CLIC5: variants seen among roughly 807,000 people sequenced by gnomAD.
CLIC5 encodes CLIC family member 5.
In CLIC5, 20 loss-of-function variants were observed where a neutral mutation model predicts 24.7. That is an observed-to-expected ratio of 0.81 (90% CI 0.57 to 1.18). The LOEUF is 1.18. Among genes scored for constraint, CLIC5 ranks in the 50% most tolerant of loss-of-function variants. The pLI is 0.00. For missense variants in CLIC5, 341 were observed against 326.1 expected (o/e 1.05, Z -0.35); for synonymous variants, 159 against 135.6 (o/e 1.17, Z -1.20).
At chr6:46,015,339 G>T (rs115982120) in intron 1 of CLIC5, 141 bp downstream of exon 1, 13 of 771,062 alleles carry the variant, frequency 1.7e-5, no homozygotes, top group East Asian at 6.8e-5. Context: ...CGGGGCGCTG[G>T]CCTGCGGAAA....
At chr6:46,018,506 T>G (rs1004141148), upstream of CLIC5, among the ~76,000 whole-genome samples, 2 of 152,252 alleles carry the variant, frequency 1.3e-5, no homozygotes, top group African/African-American at 2.4e-5. Context: ...AAAATAATTC[T>G]TCTTTGGTCA....
chr6:45,963,729 G>T (rs1325268307), intron 1 of CLIC5, among the ~76,000 whole-genome samples: 1 of 152,038 alleles, frequency 6.6e-6, no homozygotes, highest in Admixed American at 6.6e-5. Flanking sequence ...CTTGGCTCAA[G>T]TCTCCCTTGT....
At chr6:46,055,835 G>C (rs537689148) in intron 1 of CLIC5, among the ~76,000 whole-genome samples, 2 of 152,278 alleles carry the variant, frequency 1.3e-5, no homozygotes, top group Admixed American at 1.3e-4. Flanking sequence ...TTTAAAACAT[G>C]GTGAAACTTA....
chr6:45,890,740 A>C (rs1269460947), intron 6 of CLIC5, among the ~76,000 whole-genome samples: 1 of 152,250 alleles, frequency 6.6e-6, no homozygotes, highest in Non-Finnish European at 1.5e-5. Flanking sequence ...CCTTAAAAAA[A>C]CAAAACAAAA....
rs80353300 is a variant in CLIC5, at chr6:46,003,885, G to T, written c.63+11595C>A. The stretch of plus-strand genomic sequence containing the variant: ...TGGAGAGTGGTCAGGTCTGGAGTCC[G>T]GATCTCCAGGTTTCTAAGTTTGTAT... On this transcript the variant is annotated intron_variant, in intron 1 of 5. Coordinates refer to ENST00000339561, the MANE Select transcript of CLIC5 (RefSeq NM_016929.5). Among the ~76,000 whole-genome samples the T allele has an allele frequency of 1.2e-3, 179 of 152,272 alleles. 2 individuals are homozygous for T. In the East Asian group the frequency reaches 0.026, roughly 22 times the overall value.
chr6:45,928,767 A>T (rs934548495), intron 4 of CLIC5, among the ~76,000 whole-genome samples: 5 of 144,088 alleles, frequency 3.5e-5, no homozygotes, highest in Non-Finnish European at 4.5e-5. Flanking sequence ...GAAGTGCATA[A>T]GTGTGTGTGT....
intron 1 of CLIC5, among the ~76,000 whole-genome samples, chr6:46,021,475 A>G (rs1289220086): frequency 1.3e-5 from 2 of 152,224 alleles, no homozygotes; most frequent in Non-Finnish European, 2.9e-5. Flanking sequence ...ACCTTGGTAC[A>G]TAAATTTTTT....
rs552506004 is a variant in CLIC5, at chr6:45,975,392, C to T, written c.64-20148G>A. Among the ~76,000 whole-genome samples the T allele has an allele frequency of 8.5e-5, 13 of 152,272 alleles. No individual in the cohort carries two copies. The South Asian group carries it at 2.5e-3, about 29-fold the overall frequency. On this transcript the variant is annotated intron_variant, in intron 1 of 5. Coordinates refer to ENST00000339561, the MANE Select transcript of CLIC5 (RefSeq NM_016929.5). ...TAACCAGATCCTAAAGTGATGCCCA[C>T]GTGGCTCCTGTCATTCGATATGCAA...
At chr6:46,048,601 C>T (rs1018235341) in intron 1 of CLIC5, among the ~76,000 whole-genome samples, 6 of 152,130 alleles carry the variant, frequency 3.9e-5, no homozygotes, top group African/African-American at 1.4e-4. Context: ...CCAGCAGTCA[C>T]CCCACCTCCC....
intron 4 of CLIC5, among the ~76,000 whole-genome samples, chr6:45,930,070 T>A (rs1238476281): frequency 1.3e-5 from 2 of 152,030 alleles, no homozygotes; most frequent in Non-Finnish European, 2.9e-5. Context: ...ATATACACAC[T>A]CTTTTTTAAA....
At chr6:45,924,672 A>G (rs1763406693) in intron 4 of CLIC5, among the ~76,000 whole-genome samples, 1 of 152,190 alleles carries the variant, frequency 6.6e-6, no homozygotes, top group Non-Finnish European at 1.5e-5. Flanking sequence ...AGAGAGAGAA[A>G]AAATATCACC....
upstream of CLIC5, among the ~76,000 whole-genome samples, chr6:46,016,729 G>A (rs1024651874): frequency 6.6e-6 from 1 of 152,176 alleles, no homozygotes; most frequent in Non-Finnish European, 1.5e-5. Context: ...AGCCCTAGAA[G>A]CTCCTCCTGC....
At chr6:46,043,194 C>T (rs919448011) in intron 1 of CLIC5, among the ~76,000 whole-genome samples, 3 of 152,108 alleles carry the variant, frequency 2.0e-5, no homozygotes, top group African/African-American at 7.2e-5. Flanking sequence ...TAATGATGTA[C>T]AGTTATTGAG....
chr6:46,085,623 G>A, the CLIC5 span, among the ~76,000 whole-genome samples: 9 of 152,216 alleles, frequency 5.9e-5, no homozygotes, highest in East Asian at 7.7e-4. Context: ...CTGTCTGATC[G>A]TTCCTCTGGA....
At chr6:46,020,670 T>C (rs1230988498), upstream of CLIC5, among the ~76,000 whole-genome samples, 1 of 151,992 alleles carries the variant, frequency 6.6e-6, no homozygotes, top group Non-Finnish European at 1.5e-5. Flanking sequence ...ATAAAGTTGA[T>C]AAATTTCTCA....
intron 4 of CLIC5, among the ~76,000 whole-genome samples, chr6:45,915,347 A>G (rs1295422543): frequency 6.6e-6 from 1 of 152,232 alleles, no homozygotes; most frequent in East Asian, 1.9e-4. Context: ...TAAACTATAT[A>G]GAAGTTCCAA....
chr6:45,943,114 GC>G (rs1764186982), intron 3 of CLIC5, among the ~76,000 whole-genome samples: 1 of 152,230 alleles, frequency 6.6e-6, no homozygotes, highest in African/African-American at 2.4e-5. Flanking sequence ...ACTATTATTA[GC>G]CTAATTTCCT....
chr6:46,099,765 T>G, the CLIC5 span, among the ~76,000 whole-genome samples: 1 of 152,180 alleles, frequency 6.6e-6, no homozygotes, highest in African/African-American at 2.4e-5. Context: ...GATGTGTGGA[T>G]ACATTGGCCT....
chr6:46,110,810 A>G, the CLIC5 span, among the ~76,000 whole-genome samples: 3 of 152,324 alleles, frequency 2.0e-5, no homozygotes, highest in East Asian at 5.8e-4. Context: ...CTAGTCTTAG[A>G]TTCTTCATGA....
Sources: gnomAD v4.1 joint callset for allele counts (sites outside exome capture counted in the v4.1 genomes callset) on GRCh38, gnomAD v4.1.1 for gene constraint, MANE v1.5 for transcripts, NCBI Gene and HGNC (gene_info 2026-07-23, HGNC 2026-07-21) for gene names.